The following ISOC1 variants were observed in gnomAD, a reference collection of about 807,000 sequenced individuals.
The protein encoded by ISOC1 is isochorismatase domain-containing protein 1.
A neutral mutation model predicts 30.0 loss-of-function variants in ISOC1; 33 were observed. That is an observed-to-expected ratio of 1.10 (90% CI 0.83 to 1.47). The LOEUF (loss-of-function observed/expected upper bound fraction) is 1.47. Among genes scored for constraint, ISOC1 ranks in the 40% most tolerant of loss-of-function variants. The pLI, the probability that ISOC1 is intolerant of heterozygous loss-of-function variation, is 0.00. For missense variants in ISOC1, 372 were observed against 388.0 expected (o/e 0.96, Z 0.35); for synonymous variants, 178 against 159.8 (o/e 1.11, Z -0.86).
At chr5:129,095,194 G>A in intron 1 of ISOC1, 119 bp downstream of exon 1, 1 of 997,524 alleles carries the variant, frequency 1.0e-6, no homozygotes, top group Non-Finnish European at 1.4e-6. Flanking sequence ...CGGGCCCTGC[G>A]CGAGTGGCTG....
chr5:129,097,941 G>T (rs1753525830), intron 1 of ISOC1, among the ~76,000 whole-genome samples: 1 of 152,132 alleles, frequency 6.6e-6, no homozygotes. Context: ...GTGAGTCCAT[G>T]TTACTGGGGA....
intron 1 of ISOC1, among the ~76,000 whole-genome samples, chr5:129,100,581 G>C (rs1753558454): frequency 6.6e-6 from 1 of 152,046 alleles, no homozygotes; most frequent in South Asian, 2.1e-4. Flanking sequence ...GGTGACATTT[G>C]GTCCAGTCCA....
intron 4 of ISOC1, among the ~76,000 whole-genome samples, chr5:129,111,786 CTCTT>C (rs773593686): frequency 5.9e-5 from 9 of 152,126 alleles, no homozygotes. Context: ...CTTTCTGTCT[CTCTT>C]TTCCTCCTTG....
chr5:129,112,461 G>T (rs1368308784), intron 4 of ISOC1, among the ~76,000 whole-genome samples: 1 of 152,150 alleles, frequency 6.6e-6, no homozygotes, highest in African/African-American at 2.4e-5. Context: ...GCACAAACCT[G>T]CCAGGAGTGT....
At chr5:129,095,712 T>A (rs1363557765) in intron 1 of ISOC1, among the ~76,000 whole-genome samples, 1 of 152,218 alleles carries the variant, frequency 6.6e-6, no homozygotes, top group African/African-American at 2.4e-5. Context: ...TTTGACTCCA[T>A]GATTGTAATT....
intron 4 of ISOC1, among the ~76,000 whole-genome samples, chr5:129,110,980 G>C (rs1049786794): frequency 6.6e-6 from 1 of 152,176 alleles, no homozygotes; most frequent in African/African-American, 2.4e-5. Context: ...CAGGCAGCTG[G>C]TGATGGGGAG....
intron 4 of ISOC1, among the ~76,000 whole-genome samples, chr5:129,107,399 C>T (rs545103532): frequency 1.9e-3 from 290 of 152,240 alleles, no homozygotes; most frequent in Middle Eastern, 3.4e-3. Flanking sequence ...TTAAAAATAG[C>T]TCAGTTGGGT....
rs1753726982 is a variant in ISOC1 at position 129,112,841 on chromosome 5, T to TC, written c.751-13dup. On this transcript the variant is annotated splice_polypyrimidine_tract_variant and intron_variant, in intron 4 of 4. Transcript: ENST00000173527. Reference sequence around the variant, plus strand: ...ATGCTTATTTCTTGATTTGCCTTTATCTTTTTGTTCAAGCGTCTCGCTCGA... The same window carrying TC: ...ATGCTTATTTCTTGATTTGCCTTTATCCTTTTTGTTCAAGCGTCTCGCTCGA... 1.9e-6 allele frequency: 3 copies of TC among 1,608,438 alleles called. No individual in the cohort carries two copies. Among genetic ancestry groups the TC allele is most frequent in the Non-Finnish European group, 2.5e-6 (3 of 1,178,190 alleles).
intron 1 of ISOC1, among the ~76,000 whole-genome samples, chr5:129,104,491 A>G (rs1753611949): frequency 6.6e-6 from 1 of 152,150 alleles, no homozygotes; most frequent in Non-Finnish European, 1.5e-5. Context: ...TGGTATAAAA[A>G]AAGAAATTAC....
At chr5:129,104,474 A>G (rs1028308427) in intron 1 of ISOC1, among the ~76,000 whole-genome samples, 14 of 152,140 alleles carry the variant, frequency 9.2e-5, no homozygotes, top group African/African-American at 3.4e-4. Flanking sequence ...CTTGGAAAAT[A>G]TAGGAATGGT....
intron 1 of ISOC1, 37 bp downstream of exon 1, chr5:129,095,112 C>A: frequency 6.7e-7 from 1 of 1,500,114 alleles, no homozygotes; most frequent in East Asian, 2.5e-5. Context: ...TCCCTGTTCC[C>A]GAGTCGTCCC....
chr5:129,106,920 A>C, intron 3 of ISOC1, 26 bp from the exon 4 acceptor site: 1 of 1,496,160 alleles, frequency 6.7e-7, no homozygotes, highest in Non-Finnish European at 9.3e-7. Flanking sequence ...ATGTTATTAC[A>C]TATGATTCTT....
chr5:129,105,207 G>T lies in ISOC1; in HGVS notation c.452G>T (p.Gly151Val). Residue 151 changes from glycine to valine, a missense_variant, in exon 3 of 5, where the codon GGA (glycine) becomes GTA (valine). Transcript: ENST00000173527. Reference protein sequence around the residue: ...QRLLQGARILGIPVIVTEQYP... With the variant: ...QRLLQGARILVIPVIVTEQYP... ...CAGTTGCAAGGGGCCCGGATTTTAG[G>T]AATTCCTGTTATTGTAACAGAACAA... 1 of 1,613,562 alleles carries T rather than the reference G, an allele frequency of 6.2e-7. No individual in the cohort carries two copies. The highest frequency in any genetic ancestry group is 8.5e-7 in the Non-Finnish European group (1 of 1,179,786).
chr5:129,102,494 A>C (rs187692900), intron 1 of ISOC1, among the ~76,000 whole-genome samples: 44 of 152,344 alleles, frequency 2.9e-4, no homozygotes, highest in Non-Finnish European at 7.4e-5. Flanking sequence ...AGCTAGCAAG[A>C]ACTGGAGACC....
Position 129,105,067 on chromosome 5 carries a change from CAG to C in ISOC1, c.425_426del (p.Arg142IlefsTer20), listed in dbSNP as rs1254746065. On this transcript the variant is annotated frameshift_variant, in exon 2 of 5. Transcript: ENST00000173527. LOFTEE classifies it high-confidence loss of function. ...TTTTGGGGATATTATTAGCGTGGGA[CAG>C]AGATTGGTATGCTTGTTTACTTATT... Reference protein sequence around the residue: ...KYFGDIISVGQRLLQGARILG... With the variant: ...KYFGDIISVGXRLLQGARILG... The C allele has an allele frequency of 1.2e-6, 2 of 1,613,670 alleles. No homozygotes were observed. The highest frequency in any genetic ancestry group is 3.3e-5 in the Admixed American group (2 of 59,982).
chr5:129,101,192 A>AATATAT (rs1554064628), intron 1 of ISOC1, among the ~76,000 whole-genome samples: 1,328 of 42,118 alleles, frequency 0.032, 77 homozygotes, highest in African/African-American at 0.1. Context: ...AAAAAAAAAA[A>AATATAT]ATATATATAT....
rs1157921745 is a variant in ISOC1 at position 129,107,026 on chromosome 5, A to C, written c.714A>C (p.Ser238=). The C allele has an allele frequency of 6.2e-7, 1 of 1,613,698 alleles. No homozygotes were observed. Among genetic ancestry groups the C allele is most frequent in the Non-Finnish European group, 8.5e-7 (1 of 1,179,774 alleles). The change falls in exon 4 of 5, where the codon TCA becomes TCC. Residue 238 remains serine, a synonymous_variant. Coordinates refer to ENST00000173527, the MANE Select transcript of ISOC1 (RefSeq NM_016048.2). ...TTCACATTGTTGCTGATGCCACCTC[A>C]TCAAGAAGCATGATGGACAGGATGT... The part of the protein sequence containing the change: ...VEVHIVADAT[S]SRSMMDRMFA...
Position 129,112,427 on chromosome 5 carries a change from G to A in ISOC1, c.751-428G>A, listed in dbSNP as rs191146712. ...GAAGTCACAAGCAGCCCTCATTTGA[G>A]TCAATGAATGAGTAAGACATGAAGC... On this transcript the variant is annotated intron_variant, in intron 4 of 4. Coordinates refer to ENST00000173527, the MANE Select transcript of ISOC1 (RefSeq NM_016048.2). Among the ~76,000 whole-genome samples, 11 of 152,258 alleles carry A rather than the reference G, an allele frequency of 7.2e-5. No individual in the cohort carries two copies. The East Asian group carries it at 2.1e-3, about 29-fold the overall frequency.
intron 1 of ISOC1, 70 bp from the exon 2 acceptor site, chr5:129,104,886 A>G: frequency 6.7e-7 from 1 of 1,499,226 alleles, no homozygotes; most frequent in Non-Finnish European, 9.0e-7. Context: ...TTCTTCCTTT[A>G]TTGACCTCCA....
Sources: allele counts gnomAD v4.1 joint callset (sites outside exome capture counted in the v4.1 genomes callset), GRCh38; gene constraint gnomAD v4.1.1; transcripts MANE v1.5; gene names NCBI Gene and HGNC (gene_info 2026-07-23, HGNC 2026-07-21).